Variants in ZBTB20 observed in about 807,000 individuals in gnomAD.
ZBTB20 encodes zinc finger and BTB domain containing 20.
Under a neutral mutation model 56.9 loss-of-function variants are expected in ZBTB20, and 9 were observed. The observed-to-expected ratio is 0.16, with a 90% confidence interval of 0.10 to 0.28. The LOEUF is 0.28. ZBTB20 is among the 10% of genes least tolerant of loss of function. The pLI, the probability that ZBTB20 is intolerant of heterozygous loss-of-function variation, is 1.00. For synonymous variants in ZBTB20, 417 were observed against 420.7 expected, an observed-to-expected ratio of 0.99 and a Z score of 0.11; for missense variants, 655 against 1,003.0, an observed-to-expected ratio of 0.65 and a Z score of 4.69.
intron 3 of ZBTB20, among the ~76,000 whole-genome samples, chr3:114,914,553 A>C (rs1378799176): frequency 6.6e-6 from 1 of 151,810 alleles, no homozygotes; most frequent in Non-Finnish European, 1.5e-5. Flanking sequence ...GATGAGCATT[A>C]TTTCTTTCTC....
chr3:114,777,172 A>G (rs1275819512), intron 5 of ZBTB20, among the ~76,000 whole-genome samples: 1 of 152,194 alleles, frequency 6.6e-6, no homozygotes, highest in African/African-American at 2.4e-5. Context: ...TTTAAGGTTT[A>G]ACCCAAAGAT....
At chr3:114,340,124 G>A (rs186679789) in intron 11 of ZBTB20, among the ~76,000 whole-genome samples, 1 of 152,228 alleles carries the variant, frequency 6.6e-6, no homozygotes, top group East Asian at 1.9e-4. Context: ...CTCATCGGGT[G>A]TAGAGGCTGA....
At chr3:114,776,498 T>C (rs1424447672) in intron 5 of ZBTB20, among the ~76,000 whole-genome samples, 1 of 152,174 alleles carries the variant, frequency 6.6e-6, no homozygotes, top group Non-Finnish European at 1.5e-5. Context: ...AAGAAAAGGA[T>C]TCTCCCCTAG....
intron 7 of ZBTB20, among the ~76,000 whole-genome samples, chr3:114,446,744 T>C (rs2091295227): frequency 6.6e-6 from 1 of 152,168 alleles, no homozygotes; most frequent in African/African-American, 2.4e-5. Flanking sequence ...CGGCGGCTGC[T>C]TAGGAATAAT....
chr3:115,082,488 T>TCA (rs2082832631), intron 1 of ZBTB20, among the ~76,000 whole-genome samples: 2 of 151,998 alleles, frequency 1.3e-5, no homozygotes, highest in Admixed American at 6.6e-5. Flanking sequence ...TTAGCTAATT[T>TCA]CACACACACA....
At chr3:115,047,811 A>G (rs2081388217) in intron 2 of ZBTB20, among the ~76,000 whole-genome samples, 1 of 152,186 alleles carries the variant, frequency 6.6e-6, no homozygotes. Flanking sequence ...GTATAACGAA[A>G]TTGTTTACAA....
chr3:114,654,839 C>T (rs2060309156), intron 6 of ZBTB20, among the ~76,000 whole-genome samples: 1 of 152,148 alleles, frequency 6.6e-6, no homozygotes, highest in Admixed American at 6.5e-5. Context: ...TTTGTGTCTA[C>T]ATGTTTATGA....
At chr3:114,827,377 C>T (rs1023721192) in intron 4 of ZBTB20, among the ~76,000 whole-genome samples, 1 of 151,192 alleles carries the variant, frequency 6.6e-6, no homozygotes, top group Non-Finnish European at 1.5e-5. Flanking sequence ...AGGTAAAGGC[C>T]GGGACAAAGG....
intron 3 of ZBTB20, among the ~76,000 whole-genome samples, chr3:114,957,169 A>T (rs1297465272): frequency 6.6e-6 from 1 of 152,220 alleles, no homozygotes; most frequent in East Asian, 1.9e-4. Flanking sequence ...TACTGCAGGC[A>T]ACTCTTTAGT....
intron 4 of ZBTB20, among the ~76,000 whole-genome samples, chr3:114,822,214 T>C (rs893192020): frequency 5.9e-5 from 9 of 152,102 alleles, no homozygotes; most frequent in African/African-American, 2.2e-4. Context: ...GATTTCAAGG[T>C]AGAGCAGTAA....
Position 114,351,111 on chromosome 3 carries a change from G to T in ZBTB20, c.967C>A (p.Leu323Ile). The T allele has an allele frequency of 6.2e-7, 1 of 1,608,636 alleles. No individual in the cohort carries two copies. ...KQPRPVRIQT[L>I]VGNIHIKQEM... Reference sequence around the variant, plus strand: ...TGCTTGATGTGGATGTTGCCCACTAGGGTCTGGATGCGCACAGGCCGGGGC... The same window carrying T: ...TGCTTGATGTGGATGTTGCCCACTATGGTCTGGATGCGCACAGGCCGGGGC... Residue 323 changes from leucine to isoleucine, a missense_variant, in exon 11 of 12, where the codon CTA (leucine) becomes ATA (isoleucine). By Grantham distance (5) the Leu-to-Ile change is conservative (BLOSUM62 2). Transcript: ENST00000675478.
At position 114,351,691 on chromosome 3, in the gene ZBTB20, G is replaced by C. The variant is rs759152811; in HGVS notation, c.387C>G (p.Phe129Leu). Residue 129 changes from phenylalanine (F) to leucine (L), a missense_variant, in exon 11 of 12, where the codon TTC becomes TTG. By Grantham distance (22) the Phe-to-Leu change is conservative (BLOSUM62 0). This residue lies in a region of ZBTB20 where 57 missense variants were observed against 99.1 expected (regional missense o/e 0.58). Coordinates refer to ENST00000675478, the MANE Select transcript of ZBTB20 (RefSeq NM_001348800.3). Reference sequence around the variant, plus strand: ...TGTAGCCAAGCAGCAGTTTGTCCTGGAAGAAGGGGCTGCCGGCTGCCAGCA... The same window carrying C: ...TGTAGCCAAGCAGCAGTTTGTCCTGCAAGAAGGGGCTGCCGGCTGCCAGCA... ...RCVLAAGSPF[F>L]QDKLLLGYSD... The C allele has an allele frequency of 1.2e-6, 2 of 1,614,098 alleles. No individual in the cohort carries two copies. The highest frequency in any genetic ancestry group is 1.7e-6 in the Non-Finnish European group (2 of 1,180,030).
chr3:114,513,679 G>A (rs1380271025), intron 6 of ZBTB20, among the ~76,000 whole-genome samples: 2 of 152,040 alleles, frequency 1.3e-5, no homozygotes, highest in African/African-American at 4.8e-5. Context: ...GGTCATTTTG[G>A]GGCACTAGGT....
rs2078993613 is a variant in ZBTB20, at chr3:114,324,356, G to C, written c.*14649C>G. On this transcript the variant is annotated 3_prime_UTR_variant, in exon 12 of 12. Transcript: ENST00000675478. ...ACGGTCCTAAATTTAACAGTGCTGG[G>C]CTTTTATTTTTGAATAGTGCAATCA... 1 of 152,122 alleles carries C rather than the reference G, an allele frequency of 6.6e-6. No individual in the cohort carries two copies. Among genetic ancestry groups the C allele is most frequent in the Admixed American group, 6.6e-5 (1 of 15,264 alleles). The allele number at this position is 152,122 out of a possible 1,614,324, so 9.4% of individuals were successfully genotyped here.
intron 5 of ZBTB20, among the ~76,000 whole-genome samples, chr3:114,749,780 T>C (rs935760682): frequency 6.6e-6 from 1 of 152,212 alleles, no homozygotes; most frequent in African/African-American, 2.4e-5. Flanking sequence ...TTTTAACAAG[T>C]CATTTAGCCT....
chr3:114,934,713 T>G (rs2076473577), intron 3 of ZBTB20, among the ~76,000 whole-genome samples: 1 of 152,080 alleles, frequency 6.6e-6, no homozygotes, highest in South Asian at 2.1e-4. Flanking sequence ...TTGCATATAG[T>G]GAAAAATAAC....
chr3:114,647,849 G>A (rs938440577), intron 6 of ZBTB20, among the ~76,000 whole-genome samples: 1 of 152,092 alleles, frequency 6.6e-6, no homozygotes, highest in African/African-American at 2.4e-5. Flanking sequence ...AAATAATCAG[G>A]TGATACTTCG....
intron 2 of ZBTB20, among the ~76,000 whole-genome samples, chr3:115,046,996 ATC>A (rs1233872996): frequency 9.9e-5 from 15 of 152,214 alleles, no homozygotes; most frequent in African/African-American, 3.6e-4. Flanking sequence ...GTTAGATGGT[ATC>A]TGTTTTTCCA....
intron 5 of ZBTB20, among the ~76,000 whole-genome samples, chr3:114,779,672 G>A (rs1320610981): frequency 6.6e-6 from 1 of 152,152 alleles, no homozygotes; most frequent in African/African-American, 2.4e-5. Context: ...AATATAAGAG[G>A]ATGCCTTTAG....
Sources: gnomAD v4.1 joint callset for allele counts (sites outside exome capture counted in the v4.1 genomes callset) on GRCh38, gnomAD v4.1.1 for gene constraint, gnomAD v4.1.1 regional missense constraint, MANE v1.5 for transcripts, NCBI Gene and HGNC (gene_info 2026-07-23, HGNC 2026-07-21) for gene names.